The following KDM4C variants were observed in gnomAD, a reference collection of about 807,000 sequenced individuals.
KDM4C encodes the protein lysine-specific demethylase 4C.
In KDM4C, 81 loss-of-function variants were observed where a neutral mutation model predicts 129.3. That is an observed-to-expected ratio of 0.63 (90% CI 0.52 to 0.75). KDM4C has a LOEUF of 0.75. Ranked by LOEUF, KDM4C falls within the 30% of genes least tolerant of loss-of-function variation. The pLI is 0.00. For missense variants in KDM4C, 1,457 were observed against 1,304.0 expected (o/e 1.12, Z -1.81); for synonymous variants, 573 against 456.1 (o/e 1.26, Z -3.26).
At chr9:6,737,024 C>G (rs1207736183) in intron 1 of KDM4C, among the ~76,000 whole-genome samples, 1 of 131,900 alleles carries the variant, frequency 7.6e-6, no homozygotes, top group East Asian at 2.2e-4. Context: ...ACATTCCAGA[C>G]TGGGCGACAC....
chr9:6,846,417 A>G (rs1397961118), intron 4 of KDM4C, among the ~76,000 whole-genome samples: 2 of 152,194 alleles, frequency 1.3e-5, no homozygotes, highest in Non-Finnish European at 2.9e-5. Context: ...AACTAGGTGC[A>G]TTTTTGGTCT....
At chr9:6,763,271 A>C (rs1819940670) in intron 1 of KDM4C, among the ~76,000 whole-genome samples, 1 of 152,086 alleles carries the variant, frequency 6.6e-6, no homozygotes, top group African/African-American at 2.4e-5. Flanking sequence ...TAGTTCCCTG[A>C]ATGGGCTTGG....
At chr9:6,791,344 C>G (rs1349659445) in intron 1 of KDM4C, among the ~76,000 whole-genome samples, 1 of 152,150 alleles carries the variant, frequency 6.6e-6, no homozygotes, top group Non-Finnish European at 1.5e-5. Flanking sequence ...AACTCCTGGC[C>G]TCAAGTGATA....
rs1358564887 is a variant in KDM4C at position 7,126,737 on chromosome 9, T to C, written c.2611-1329T>C. The stretch of plus-strand genomic sequence containing the variant: ...GCATACCTAAGCACCTGTATCTGAG[T>C]TTCTAATGTCACTGCCCCTCTAAAC... On this transcript the variant is annotated intron_variant, in intron 18 of 21. Coordinates refer to ENST00000381309, the MANE Select transcript of KDM4C (RefSeq NM_015061.6). Among the ~76,000 whole-genome samples the C allele has an allele frequency of 2.0e-5, 3 of 151,708 alleles. No homozygotes were observed. In the East Asian group the frequency reaches 5.8e-4, roughly 29 times the overall value.
intron 1 of KDM4C, among the ~76,000 whole-genome samples, chr9:6,791,099 AT>A (rs999772916): frequency 3.9e-5 from 6 of 151,992 alleles, no homozygotes; most frequent in Admixed American, 6.6e-5. Flanking sequence ...TGGGAAAATG[AT>A]TGCTCATTAA....
intron 19 of KDM4C, among the ~76,000 whole-genome samples, chr9:7,148,121 C>T (rs750955033): frequency 6.6e-6 from 1 of 152,214 alleles, no homozygotes; most frequent in Non-Finnish European, 1.5e-5. Flanking sequence ...GTGGCTGGAC[C>T]AGATATACGA....
At chr9:6,868,977 C>T (rs1241247786) in intron 5 of KDM4C, among the ~76,000 whole-genome samples, 1 of 151,848 alleles carries the variant, frequency 6.6e-6, no homozygotes, top group Non-Finnish European at 1.5e-5. Context: ...TCTTGAAAGT[C>T]AAGTTTTGTG....
chr9:6,849,787 T>G, intron 5 of KDM4C, 87 bp downstream of exon 5: 2 of 1,086,538 alleles, frequency 1.8e-6, no homozygotes, highest in Non-Finnish European at 2.7e-6. Flanking sequence ...GTTCTTTGAT[T>G]TGGTGGATTC....
chr9:6,863,496 C>T (rs1841346655), intron 5 of KDM4C, among the ~76,000 whole-genome samples: 2 of 152,006 alleles, frequency 1.3e-5, no homozygotes, highest in South Asian at 2.1e-4. Context: ...ACAGAGATCA[C>T]ATGGTAAGAG....
intron 4 of KDM4C, among the ~76,000 whole-genome samples, chr9:6,826,614 C>T (rs1033142807): frequency 1.3e-5 from 2 of 152,066 alleles, no homozygotes; most frequent in Admixed American, 6.5e-5. Flanking sequence ...GCCTGTGATC[C>T]CAGCACTTTG....
intron 4 of KDM4C, among the ~76,000 whole-genome samples, chr9:6,819,590 G>T (rs368323287): frequency 6.6e-6 from 1 of 152,170 alleles, no homozygotes; most frequent in African/African-American, 2.4e-5. Flanking sequence ...GACATGAGAG[G>T]AGTGTTGTAA....
At chr9:6,807,523 T>G (rs1312108934) in intron 3 of KDM4C, among the ~76,000 whole-genome samples, 1 of 146,190 alleles carries the variant, frequency 6.8e-6, no homozygotes, top group Non-Finnish European at 1.5e-5. Flanking sequence ...GGGGAGCGCC[T>G]CTGCCCCGCC....
At chr9:6,859,719 AG>A (rs1268045314) in intron 5 of KDM4C, among the ~76,000 whole-genome samples, 2 of 151,852 alleles carry the variant, frequency 1.3e-5, no homozygotes, top group Admixed American at 6.6e-5. Flanking sequence ...AAAAAAATTT[AG>A]CCGGGCGTGG....
At chr9:6,899,350 G>GT (rs1192326129) in intron 8 of KDM4C, among the ~76,000 whole-genome samples, 1 of 151,688 alleles carries the variant, frequency 6.6e-6, no homozygotes, top group South Asian at 2.1e-4. Flanking sequence ...AATGTCCATA[G>GT]TTTTTTTTAA....
At chr9:6,820,132 G>A (rs561265574) in intron 4 of KDM4C, among the ~76,000 whole-genome samples, 1 of 152,166 alleles carries the variant, frequency 6.6e-6, no homozygotes, top group Non-Finnish European at 1.5e-5. Flanking sequence ...TAGACTTTGT[G>A]GGGTGGAGGG....
At position 7,169,085 on chromosome 9, in the gene KDM4C, T is replaced by G. The variant is rs1844694156; in HGVS notation, c.2902-713T>G. 2.0e-5 allele frequency among the ~76,000 whole-genome samples: 3 copies of G among 152,084 alleles called. No homozygotes were observed. The South Asian group carries it at 6.2e-4, about 32-fold the overall frequency. On this transcript the variant is annotated intron_variant, in intron 20 of 21. Transcript: ENST00000381309. Reference sequence around the variant, plus strand: ...AAAAAAAAAGGAAATATATTATCTTTTCTTTCACAGAGAGAAACAATTCTC... The same window carrying G: ...AAAAAAAAAGGAAATATATTATCTTGTCTTTCACAGAGAGAAACAATTCTC...
At chr9:7,122,263 A>ACT (rs1410461925) in intron 18 of KDM4C, among the ~76,000 whole-genome samples, 4 of 145,046 alleles carry the variant, frequency 2.8e-5, no homozygotes, top group Middle Eastern at 3.5e-3. Context: ...ACACACACAC[A>ACT]CACTCTCTCT....
intron 1 of KDM4C, among the ~76,000 whole-genome samples, chr9:6,773,239 C>A (rs1050897501): frequency 1.3e-5 from 2 of 151,874 alleles, no homozygotes; most frequent in Non-Finnish European, 2.9e-5. Context: ...TGAGCTTAAG[C>A]GATCCTCCTG....
intron 17 of KDM4C, among the ~76,000 whole-genome samples, chr9:7,089,999 C>T (rs1439563853): frequency 2.0e-5 from 3 of 152,254 alleles, no homozygotes; most frequent in African/African-American, 4.8e-5. Flanking sequence ...CCTGGGGAAT[C>T]ACTGCAGAAT....
Sources: gnomAD v4.1 joint callset for allele counts (sites outside exome capture counted in the v4.1 genomes callset) on GRCh38, gnomAD v4.1.1 for gene constraint, MANE v1.5 for transcripts, NCBI Gene and HGNC (gene_info 2026-07-23, HGNC 2026-07-21) for gene names.